The following MAP2K6 variants were observed in gnomAD, a reference collection of about 807,000 sequenced individuals.
MAP2K6 encodes the protein mitogen-activated protein kinase kinase 6, also known as dual specificity mitogen-activated protein kinase kinase 6.
Under a neutral mutation model 53.7 loss-of-function variants are expected in MAP2K6, and 16 were observed. The observed-to-expected ratio is 0.30, with a 90% confidence interval of 0.20 to 0.45. MAP2K6 has a LOEUF of 0.45. Ranked by LOEUF, MAP2K6 falls within the 20% of genes least tolerant of loss-of-function variation. The pLI, the probability that MAP2K6 is intolerant of heterozygous loss-of-function variation, is 1.00. For missense variants in MAP2K6, 204 were observed against 411.9 expected (o/e 0.50, Z 4.37); for synonymous variants, 132 against 143.1 (o/e 0.92, Z 0.55).
At chr17:69,469,640 G>A (rs748138964) in intron 1 of MAP2K6, among the ~76,000 whole-genome samples, 20 of 152,112 alleles carry the variant, frequency 1.3e-4, no homozygotes, top group Non-Finnish European at 2.8e-4. Context: ...GTAGGCGCCT[G>A]TAATCCCAGC....
intron 1 of MAP2K6, among the ~76,000 whole-genome samples, chr17:69,475,094 G>A (rs1908099405): frequency 6.7e-6 from 1 of 148,216 alleles, no homozygotes; most frequent in Non-Finnish European, 1.5e-5. Flanking sequence ...GAAAACACTT[G>A]TATTTTCTGA....
intron 1 of MAP2K6, among the ~76,000 whole-genome samples, chr17:69,450,381 C>G (rs563464291): frequency 7.9e-5 from 12 of 152,290 alleles, no homozygotes; most frequent in Admixed American, 6.5e-4. Context: ...CAGTAGCATC[C>G]GAAAAGGTTG....
At chr17:69,502,237 C>T in intron 1 of MAP2K6, 1 of 985,434 alleles carries the variant, frequency 1.0e-6, no homozygotes. Flanking sequence ...GCAATCCGAA[C>T]TTGAGGAGGG....
At chr17:69,443,449 A>G (rs1484751771) in intron 1 of MAP2K6, among the ~76,000 whole-genome samples, 2 of 152,250 alleles carry the variant, frequency 1.3e-5, no homozygotes, top group South Asian at 4.1e-4. Context: ...TCTACGTCAT[A>G]TAAAATATTC....
intron 1 of MAP2K6, among the ~76,000 whole-genome samples, chr17:69,422,496 C>T (rs533047161): frequency 6.6e-6 from 1 of 152,168 alleles, no homozygotes; most frequent in African/African-American, 2.4e-5. Flanking sequence ...TGCAGCATCC[C>T]TGTCATCTGT....
chr17:69,446,746 C>G (rs896840210), intron 1 of MAP2K6, among the ~76,000 whole-genome samples: 2 of 152,170 alleles, frequency 1.3e-5, no homozygotes, highest in African/African-American at 4.8e-5. Context: ...GAGTACCCCC[C>G]ACAGACGCCA....
intron 11 of MAP2K6, among the ~76,000 whole-genome samples, chr17:69,540,490 A>G (rs950470819): frequency 6.6e-6 from 1 of 152,240 alleles, no homozygotes; most frequent in Non-Finnish European, 1.5e-5. Context: ...CTTTCTAAGT[A>G]GAGGTGGCAG....
chr17:69,416,586 A>ATG (rs1463507952), intron 1 of MAP2K6, among the ~76,000 whole-genome samples: 4 of 152,162 alleles, frequency 2.6e-5, no homozygotes, highest in Non-Finnish European at 5.9e-5. Flanking sequence ...ATACATATGT[A>ATG]TGTGTGTATA....
intron 1 of MAP2K6, among the ~76,000 whole-genome samples, chr17:69,460,697 C>G (rs571179404): frequency 4.4e-4 from 67 of 152,138 alleles, no homozygotes; most frequent in African/African-American, 1.4e-3. Flanking sequence ...ACCTCCTGGG[C>G]TCAAGTGATC....
In MAP2K6 at chr17:69,542,821, G is replaced by A. The variant is rs1911703372; in HGVS notation, c.*1068G>A. On this transcript the variant is annotated 3_prime_UTR_variant, in exon 12 of 12. Transcript: ENST00000590474. The stretch of plus-strand genomic sequence containing the variant: ...ATGTACTCTTTGGCTTTGTTTGTTT[G>A]TTTTCTTCTTCAGTGAAGCAGCCTT... The A allele has an allele frequency of 6.6e-6, 1 of 152,146 alleles. No homozygotes were observed. Among genetic ancestry groups the A allele is most frequent in the African/African-American group, 2.4e-5 (1 of 41,434 alleles). 9.4% of individuals were successfully genotyped at this position (152,146 alleles called of 1,614,324 possible).
chr17:69,418,647 C>G (rs147088012), intron 1 of MAP2K6, among the ~76,000 whole-genome samples: 5,006 of 152,134 alleles, frequency 0.033, 119 homozygotes, highest in Non-Finnish European at 0.044. Context: ...TTATATATTT[C>G]TACATTCATA....
At chr17:69,438,960 A>G (rs976961324) in intron 1 of MAP2K6, among the ~76,000 whole-genome samples, 1 of 152,204 alleles carries the variant, frequency 6.6e-6, no homozygotes, top group African/African-American at 2.4e-5. Flanking sequence ...TTTAAGTTTC[A>G]GTGTCTATAA....
chr17:69,417,900 C>T (rs905445567), intron 1 of MAP2K6, among the ~76,000 whole-genome samples: 1 of 152,218 alleles, frequency 6.6e-6, no homozygotes, highest in East Asian at 1.9e-4. Flanking sequence ...CTCCTATTCA[C>T]CTTTAAAAAA....
chr17:69,525,406 C>T (rs1910715302), intron 9 of MAP2K6, among the ~76,000 whole-genome samples: 1 of 152,154 alleles, frequency 6.6e-6, no homozygotes, highest in Non-Finnish European at 1.5e-5. Context: ...CTATGCTTCC[C>T]AGGATATTTT....
intron 2 of MAP2K6, among the ~76,000 whole-genome samples, chr17:69,512,059 T>G (rs1008626358): frequency 2.6e-5 from 4 of 151,984 alleles, no homozygotes; most frequent in African/African-American, 9.7e-5. Context: ...TATGAGTGTC[T>G]AGTGTAGTGC....
intron 1 of MAP2K6, among the ~76,000 whole-genome samples, chr17:69,460,848 C>A (rs1907602406): frequency 6.6e-6 from 1 of 152,190 alleles, no homozygotes; most frequent in African/African-American, 2.4e-5. Flanking sequence ...GATCCACCTG[C>A]CTTGGCCTCC....
intron 1 of MAP2K6, among the ~76,000 whole-genome samples, chr17:69,495,734 A>T (rs1054959726): frequency 3.3e-5 from 5 of 152,104 alleles, no homozygotes; most frequent in African/African-American, 1.2e-4. Context: ...ATCTCTAAAA[A>T]AAAAATACTT....
At chr17:69,470,932 C>A (rs1050279080) in intron 1 of MAP2K6, among the ~76,000 whole-genome samples, 1 of 152,166 alleles carries the variant, frequency 6.6e-6, no homozygotes, top group Non-Finnish European at 1.5e-5. Context: ...CAGGAACCAG[C>A]CTTGAAACAC....
intron 10 of MAP2K6, among the ~76,000 whole-genome samples, chr17:69,534,384 G>T (rs942602560): frequency 6.6e-6 from 1 of 152,004 alleles, no homozygotes; most frequent in African/African-American, 2.4e-5. Context: ...TCTCTCATAG[G>T]TTGTCTGGTC....
Sources: allele counts gnomAD v4.1 joint callset (sites outside exome capture counted in the v4.1 genomes callset), GRCh38; gene constraint gnomAD v4.1.1; transcripts MANE v1.5; gene names NCBI Gene and HGNC (gene_info 2026-07-23, HGNC 2026-07-21).